The following SMIM30 variants were observed in gnomAD, a reference collection of about 807,000 sequenced individuals.
The protein encoded by SMIM30 is small integral membrane protein 30, also known as long intergenic non-protein coding RNA 998.
For missense variants in SMIM30, 43 were observed against 27.6 expected (o/e 1.56, Z -1.25); for synonymous variants, 19 against 11.5 (o/e 1.65, Z -1.31).
chr7:113,118,044 T>C (rs1324044397), intron 2 of SMIM30, 24 bp downstream of exon 2: 1 of 446,760 alleles, frequency 2.2e-6, no homozygotes, highest in Admixed American at 2.4e-5. Context: ...CTCTGCGAAG[T>C]TGTGGGGAAT....
rs1383045933 is a variant in SMIM30 at position 113,117,299 on chromosome 7, T to C, written c.*100A>G. 4.6e-6 allele frequency: 3 copies of C among 646,164 alleles called. No individual in the cohort carries two copies. The highest frequency in any genetic ancestry group is 1.8e-5 in the African/African-American group (1 of 54,940). The allele number at this position is 646,164 out of a possible 1,614,324, so 40.0% of individuals were successfully genotyped here. ...CAATGAAAAATGTGAAACTCCCTTA[T>C]TTACTGATTCTTGGAACCTTTCACA... On this transcript the variant is annotated 3_prime_UTR_variant, in exon 3 of 3. Transcript: ENST00000397764.
Position 113,116,937 on chromosome 7 carries a change from T to G in SMIM30, c.*462A>C, listed in dbSNP as rs983326166. ...TCCCTAGAGATAAAAGTTTTCCTTT[T>G]TGCCTGACTCTCTGATATCTAAATA... On this transcript the variant is annotated 3_prime_UTR_variant, in exon 3 of 3. Transcript: ENST00000397764. 1 of 155,124 alleles carries G rather than the reference T, an allele frequency of 6.4e-6. No homozygotes were observed. The highest frequency in any genetic ancestry group is 1.4e-5 in the Non-Finnish European group (1 of 69,798). 9.6% of individuals were successfully genotyped at this position (155,124 alleles called of 1,614,324 possible).
intron 2 of SMIM30, 48 bp from the exon 3 acceptor site, chr7:113,117,655 C>T (rs1019287998): frequency 1.4e-6 from 1 of 696,870 alleles, no homozygotes; most frequent in Non-Finnish European, 2.6e-6. Context: ...AAATTCCTCC[C>T]TTTTCAAATG....
chr7:113,118,188 G>A (rs1794718438), intron 1 of SMIM30, 27 bp from the exon 2 acceptor site: 1 of 424,994 alleles, frequency 2.4e-6, no homozygotes, highest in Admixed American at 2.8e-5. Context: ...GGGTGGGGAG[G>A]GGGCGGAGAG....
chr7:113,117,867 A>G, intron 2 of SMIM30: 1 of 429,658 alleles, frequency 2.3e-6, no homozygotes, highest in East Asian at 4.7e-5. Context: ...TGCATCAACC[A>G]AACAAAAATT....
intron 1 of SMIM30, 145 bp downstream of exon 1, chr7:113,118,381 CAG>C (rs1458167463): frequency 8.8e-6 from 4 of 454,146 alleles, no homozygotes; most frequent in Admixed American, 7.1e-5. Context: ...TAAAAAGAAA[CAG>C]AACAGAGATA....
intron 2 of SMIM30, 84 bp downstream of exon 2, chr7:113,117,984 T>C: frequency 2.6e-6 from 1 of 387,764 alleles, no homozygotes; most frequent in Admixed American, 3.2e-5. Context: ...TTAGGGTCTC[T>C]CCCATCCAAG....
Position 113,118,121 on chromosome 7 carries a change from A to G in SMIM30, c.-83T>C, listed in dbSNP as rs1563005347. 2.2e-6 allele frequency: 1 copy of G among 452,026 alleles called. No individual in the cohort carries two copies. The highest frequency in any genetic ancestry group is 4.4e-6 in the Non-Finnish European group (1 of 225,868). 28.0% of individuals were successfully genotyped at this position (452,026 alleles called of 1,614,324 possible). On this transcript the variant is annotated 5_prime_UTR_variant, in exon 2 of 3. Transcript: ENST00000397764. ...CTGACTTGAAATTTTCCCTTCCTGG[A>G]GCTCCGGATGCTGAGATTAAGAGGT...
intron 1 of SMIM30, 53 bp from the exon 2 acceptor site, chr7:113,118,214 A>T (rs948765447): frequency 4.9e-5 from 21 of 430,534 alleles, no homozygotes; most frequent in Non-Finnish European, 9.2e-5. Context: ...TTTAAAAATT[A>T]ATTATTATTA....
rs939932656 is a variant in SMIM30 at position 113,118,551 on chromosome 7, G to A, written c.-147C>T. The A allele has an allele frequency of 2.2e-6, 1 of 455,122 alleles. No homozygotes were observed. The highest frequency in any genetic ancestry group is 4.4e-6 in the Non-Finnish European group (1 of 226,560). The allele number at this position is 455,122 out of a possible 1,614,324, so 28.2% of individuals were successfully genotyped here. On this transcript the variant is annotated 5_prime_UTR_variant, in exon 1 of 3. Coordinates refer to ENST00000397764, the MANE Select transcript of SMIM30 (RefSeq NM_001352688.2). ...ACCTTCTAGGAAGCAGCCATTACAGGAATGGCGAGGAGGGCGGAGTCTCCA... is the reference window on the plus strand; with the variant it reads ...ACCTTCTAGGAAGCAGCCATTACAGAAATGGCGAGGAGGGCGGAGTCTCCA...
Position 113,117,196 on chromosome 7 carries a change from TTTCTGTGCATTA to T in SMIM30, c.*191_*202del. On this transcript the variant is annotated 3_prime_UTR_variant, in exon 3 of 3. Transcript: ENST00000397764. ...TAACTAGCAAATTATAGGCTGCATT[TTTCTGTGCATTA>T]TTTGTTGTAAAGAAAACATTTTTTT... The T allele has an allele frequency of 1.9e-6, 1 of 527,416 alleles. No homozygotes were observed. Among genetic ancestry groups the T allele is most frequent in the Non-Finnish European group, 3.4e-6 (1 of 294,476 alleles). 32.7% of individuals were successfully genotyped at this position (527,416 alleles called of 1,614,324 possible).
At position 113,117,251 on chromosome 7, in the gene SMIM30, T is replaced by G; in HGVS notation, c.*148A>C. 1.7e-6 allele frequency: 1 copy of G among 592,706 alleles called. No individual in the cohort carries two copies. Among genetic ancestry groups the G allele is most frequent in the Non-Finnish European group, 3.0e-6 (1 of 331,688 alleles). The allele number at this position is 592,706 out of a possible 1,614,324, so 36.7% of individuals were successfully genotyped here. ...ATTTTTTTTTCAATTTATAAATGTA[T>G]GTTTGTTGCCATTTCATGGAAACAA... On this transcript the variant is annotated 3_prime_UTR_variant, in exon 3 of 3. Transcript: ENST00000397764.
chr7:113,117,700 A>G (rs1794706748), intron 2 of SMIM30, 93 bp from the exon 3 acceptor site: 3 of 673,852 alleles, frequency 4.5e-6, no homozygotes, highest in Non-Finnish European at 8.1e-6. Flanking sequence ...CAGGCCAGCC[A>G]ATCTTTTGGA....
intron 2 of SMIM30, 50 bp from the exon 3 acceptor site, chr7:113,117,657 T>C: frequency 1.4e-6 from 1 of 696,732 alleles, no homozygotes; most frequent in Non-Finnish European, 2.6e-6. Flanking sequence ...ATTCCTCCCT[T>C]TTCAAATGAC....
Position 113,118,174 on chromosome 7 carries a change from TG to T in SMIM30, c.-123-14del, listed in dbSNP as rs763969332. The T allele has an allele frequency of 9.2e-5, 36 of 391,774 alleles. No homozygotes were observed. Among genetic ancestry groups the T allele is most frequent in the African/African-American group, 7.4e-4 (29 of 39,416 alleles). 24.3% of individuals were successfully genotyped at this position (391,774 alleles called of 1,614,324 possible). A position where few individuals can be genotyped will look rare whatever the true frequency, so the allele number is the denominator to read the frequency against. On this transcript the variant is annotated splice_polypyrimidine_tract_variant and intron_variant, in intron 1 of 2. Transcript: ENST00000397764. Reference sequence around the variant, plus strand: ...CACGTGACACGACCTATTATTAGCATGGGGGGTGGGGAGGGGGCGGAGAGAA... The same window carrying T: ...CACGTGACACGACCTATTATTAGCATGGGGGTGGGGAGGGGGCGGAGAGAA...
chr7:113,117,818 C>G (rs1794710411), intron 2 of SMIM30: 1 of 515,640 alleles, frequency 1.9e-6, no homozygotes, highest in Admixed American at 3.2e-5. Flanking sequence ...TGATAACACT[C>G]TAAACCCAGG....
At chr7:113,118,409 T>C in intron 1 of SMIM30, 119 bp downstream of exon 1, 1 of 455,592 alleles carries the variant, frequency 2.2e-6, no homozygotes, top group Non-Finnish European at 4.4e-6. Context: ...ATTTCAGGAC[T>C]TGATATTAAG....
Position 113,117,484 on chromosome 7 carries a change from G to A in SMIM30, c.95C>T (p.Ala32Val), listed in dbSNP as rs762095475. ...VEAVEAGDAI[A>V]LLLGVVLSIT... ...GCTGAGAACCACACCTAACAAAAGG[G>A]CGATTGCATCACCGGCTTCTACTGC... Residue 32 changes from alanine (A) to valine (V), a missense_variant, in exon 3 of 3, where the codon GCC (alanine) becomes GTC (valine). By Grantham distance (64) the Ala-to-Val change is moderately conservative. Transcript: ENST00000397764. 2.0e-5 allele frequency: 14 copies of A among 702,894 alleles called. No homozygotes were observed. The highest frequency in any genetic ancestry group is 3.6e-5 in the Non-Finnish European group (14 of 384,892). The allele number at this position is 702,894 out of a possible 1,614,324, so 43.5% of individuals were successfully genotyped here.
In SMIM30 at chr7:113,117,484, G is replaced by T; in HGVS notation, c.95C>A (p.Ala32Asp). The T allele has an allele frequency of 1.4e-6, 1 of 702,894 alleles. No homozygotes were observed. The highest frequency in any genetic ancestry group is 2.6e-6 in the Non-Finnish European group (1 of 384,892). The allele number at this position is 702,894 out of a possible 1,614,324, so 43.5% of individuals were successfully genotyped here. The change falls in exon 3 of 3, where the codon GCC (alanine) becomes GAC (aspartate). Residue 32 changes from alanine to aspartate, a missense_variant. Physicochemically the swap from Ala to Asp is moderately radical, Grantham distance 126. Transcript: ENST00000397764. ...GCTGAGAACCACACCTAACAAAAGG[G>T]CGATTGCATCACCGGCTTCTACTGC... ...VEAVEAGDAIALLLGVVLSIT... is the reference protein window; with the variant it reads ...VEAVEAGDAIDLLLGVVLSIT...
Sources: gnomAD v4.1 joint callset for allele counts on GRCh38, gnomAD v4.1.1 for gene constraint, MANE v1.5 for transcripts, NCBI Gene and HGNC (gene_info 2026-07-23, HGNC 2026-07-21) for gene names.